The following CFAP299 variants were observed in gnomAD, a reference collection of about 807,000 sequenced individuals.
CFAP299 encodes the protein cilia and flagella associated protein 299.
In CFAP299, 21 loss-of-function variants were observed where a neutral mutation model predicts 27.0. The ratio of observed to expected loss-of-function variants is 0.78; its 90% CI spans 0.55 to 1.12. The LOEUF is 1.12. Among genes scored for constraint, CFAP299 ranks in the 50% most tolerant of loss-of-function variants. The pLI is 0.00. For synonymous variants in CFAP299, 104 were observed against 98.1 expected (o/e 1.06, Z -0.36); for missense variants, 310 against 276.6 (o/e 1.12, Z -0.86).
chr4:80,393,742 A>G (rs1302151077), intron 2 of CFAP299, among the ~76,000 whole-genome samples: 1 of 152,162 alleles, frequency 6.6e-6, no homozygotes, highest in Non-Finnish European at 1.5e-5. Context: ...CAGCTACAAA[A>G]TCACCTAGTG....
At chr4:80,525,333 G>C (rs980481782) in intron 2 of CFAP299, among the ~76,000 whole-genome samples, 1 of 152,046 alleles carries the variant, frequency 6.6e-6, no homozygotes, top group African/African-American at 2.4e-5. Flanking sequence ...ATCATGCAAC[G>C]CCTGTGAATT....
intron 3 of CFAP299, among the ~76,000 whole-genome samples, chr4:80,681,973 T>C (rs758609642): frequency 6.6e-6 from 1 of 151,878 alleles, no homozygotes; most frequent in Admixed American, 6.6e-5. Flanking sequence ...ACCTCAGGAG[T>C]TGGTAGAGAA....
intron 4 of CFAP299, among the ~76,000 whole-genome samples, chr4:80,903,738 T>G (rs906483814): frequency 4.6e-5 from 7 of 152,086 alleles, no homozygotes; most frequent in African/African-American, 1.7e-4. Flanking sequence ...CAAAGATATA[T>G]CTGAGAGGTA....
At chr4:80,692,661 A>G (rs988481428) in intron 3 of CFAP299, among the ~76,000 whole-genome samples, 5 of 152,188 alleles carry the variant, frequency 3.3e-5, no homozygotes, top group African/African-American at 4.8e-5. Flanking sequence ...CTAAAACACC[A>G]AAAGCAATGG....
intron 2 of CFAP299, among the ~76,000 whole-genome samples, chr4:80,369,581 A>G (rs904031267): frequency 2.0e-5 from 3 of 152,118 alleles, no homozygotes; most frequent in African/African-American, 7.2e-5. Context: ...TGAGTTAGCC[A>G]TGTATTCTTC....
At chr4:80,350,630 G>C (rs1722969009) in intron 1 of CFAP299, among the ~76,000 whole-genome samples, 1 of 152,168 alleles carries the variant, frequency 6.6e-6, no homozygotes, top group Non-Finnish European at 1.5e-5. Flanking sequence ...CATGTCCTTT[G>C]CAGGGACATG....
At chr4:80,690,224 A>C (rs1037871724) in intron 3 of CFAP299, among the ~76,000 whole-genome samples, 3 of 150,860 alleles carry the variant, frequency 2.0e-5, no homozygotes, top group African/African-American at 7.5e-5. Flanking sequence ...CTCCACCCCA[A>C]ATCAACAGAA....
At chr4:80,684,019 A>G (rs1031368352) in intron 3 of CFAP299, among the ~76,000 whole-genome samples, 2 of 152,176 alleles carry the variant, frequency 1.3e-5, no homozygotes, top group African/African-American at 2.4e-5. Context: ...CTGTATATTT[A>G]AAATTGTACT....
At chr4:80,628,713 A>G (rs4693062) in intron 3 of CFAP299, among the ~76,000 whole-genome samples, 142,987 of 152,254 alleles carry the variant, frequency 0.94, 67,192 homozygotes, top group East Asian at 1. Context: ...ATGGTTAAAA[A>G]GTATGTGAAA....
intron 2 of CFAP299, among the ~76,000 whole-genome samples, chr4:80,385,598 C>T (rs1165416350): frequency 6.6e-6 from 1 of 152,082 alleles, no homozygotes; most frequent in Admixed American, 6.5e-5. Flanking sequence ...AGTGACTTGC[C>T]CGAGGTCACA....
At chr4:80,825,925 A>C (rs1308123903) in intron 3 of CFAP299, among the ~76,000 whole-genome samples, 3 of 151,944 alleles carry the variant, frequency 2.0e-5, no homozygotes, top group Non-Finnish European at 4.4e-5. Context: ...TTTAAAAATA[A>C]TTATTAGTCC....
At chr4:80,591,675 A>G (rs1323023061) in intron 3 of CFAP299, among the ~76,000 whole-genome samples, 1 of 152,290 alleles carries the variant, frequency 6.6e-6, no homozygotes, top group East Asian at 1.9e-4. Flanking sequence ...CCAAGGAGTC[A>G]CTGAGGCTAA....
intron 1 of CFAP299, among the ~76,000 whole-genome samples, chr4:80,356,389 A>C (rs1384627104): frequency 6.6e-6 from 1 of 152,158 alleles, no homozygotes; most frequent in East Asian, 1.9e-4. Flanking sequence ...GTGATAGTTT[A>C]ATGGGAATAG....
intron 4 of CFAP299, among the ~76,000 whole-genome samples, chr4:80,918,833 G>T (rs996019192): frequency 6.6e-6 from 1 of 152,042 alleles, no homozygotes; most frequent in African/African-American, 2.4e-5. Context: ...TGCTTCAATG[G>T]CAGCTGCTGC....
At chr4:80,340,204 C>A (rs1027372019) in intron 1 of CFAP299, among the ~76,000 whole-genome samples, 7 of 152,126 alleles carry the variant, frequency 4.6e-5, no homozygotes, top group African/African-American at 1.7e-4. Flanking sequence ...TGAGACAGAG[C>A]CAAAGGATCC....
At chr4:80,702,721 T>G (rs1164592137) in intron 3 of CFAP299, among the ~76,000 whole-genome samples, 1 of 151,900 alleles carries the variant, frequency 6.6e-6, no homozygotes, top group African/African-American at 2.4e-5. Flanking sequence ...GCATATGGGT[T>G]CTCAATAAAG....
chr4:80,813,188 C>G (rs1283699977), intron 3 of CFAP299, among the ~76,000 whole-genome samples: 1 of 151,956 alleles, frequency 6.6e-6, no homozygotes, highest in African/African-American at 2.4e-5. Flanking sequence ...CATCTATATA[C>G]TTAATGAAAA....
intron 4 of CFAP299, among the ~76,000 whole-genome samples, chr4:80,943,762 CT>C (rs1416218936): frequency 6.6e-6 from 1 of 151,984 alleles, no homozygotes; most frequent in Non-Finnish European, 1.5e-5. Flanking sequence ...TAGGAAGTTT[CT>C]GTACAAAATA....
At chr4:80,395,700 T>C (rs1283175005) in intron 2 of CFAP299, among the ~76,000 whole-genome samples, 1 of 152,140 alleles carries the variant, frequency 6.6e-6, no homozygotes, top group Non-Finnish European at 1.5e-5. Flanking sequence ...AATGGGATGA[T>C]GTAAGTAAAC....
Sources: allele counts gnomAD v4.1 joint callset (sites outside exome capture counted in the v4.1 genomes callset), GRCh38; gene constraint gnomAD v4.1.1; transcripts MANE v1.5; gene names NCBI Gene and HGNC (gene_info 2026-07-23, HGNC 2026-07-21).